Variants in INO80E observed in about 807,000 individuals in gnomAD.
INO80E encodes the protein coiled-coil domain containing 95.
A neutral mutation model predicts 27.3 loss-of-function variants in INO80E; 20 were observed. The observed-to-expected ratio is 0.73, with a 90% CI of 0.51 to 1.06. INO80E has a LOEUF of 1.06. INO80E is among the 50% of genes least tolerant of loss of function. INO80E has a pLI of 0.00. For missense variants in INO80E, 357 were observed against 322.8 expected (o/e 1.11, Z -0.81); for synonymous variants, 167 against 145.9 (o/e 1.14, Z -1.04).
chr16:30,005,196 C>T (rs1427363877), intron 6 of INO80E, 25 bp from the exon 7 acceptor site: 2 of 1,443,778 alleles, frequency 1.4e-6, no homozygotes, highest in Admixed American at 3.1e-5. Context: ...GACTAGTCCC[C>T]CTGTGTTTCT....
Position 30,005,532 on chromosome 16 carries a change from T to G in INO80E, c.*90T>G. On this transcript the variant is annotated 3_prime_UTR_variant, in exon 7 of 7. Coordinates refer to ENST00000563197, the MANE Select transcript of INO80E (RefSeq NM_173618.3). ...GTCCAGCTTCCTCGGAGGTGTTTAT[T>G]GATGCCCAGCTGCCATGCTCCGGCC... 1 of 1,223,334 alleles carries G rather than the reference T, an allele frequency of 8.2e-7. No homozygotes were observed. 75.8% of individuals were successfully genotyped at this position (1,223,334 alleles called of 1,614,324 possible).
intron 6 of INO80E, chr16:30,002,635 G>A (rs2070392715): frequency 6.6e-6 from 1 of 152,330 alleles, no homozygotes; most frequent in South Asian, 2.1e-4. Flanking sequence ...GCTTTAGTCT[G>A]AGCACGAGTG....
chr16:30,001,829 G>A, intron 6 of INO80E: 1 of 398,128 alleles, frequency 2.5e-6, no homozygotes, highest in Admixed American at 4.1e-5. Flanking sequence ...TGTGATGCCA[G>A]GTAGCCCCAG....
chr16:30,001,295 G>T, intron 5 of INO80E, 119 bp from the exon 6 acceptor site: 2 of 1,493,256 alleles, frequency 1.3e-6, no homozygotes, highest in Non-Finnish European at 1.8e-6. Flanking sequence ...CGGGAGCCCC[G>T]GGAGCCGCAC....
At position 30,000,961 on chromosome 16, in the gene INO80E, C is replaced by G. The variant is rs1427151707; in HGVS notation, c.317C>G (p.Ser106Cys). 2.5e-6 allele frequency: 4 copies of G among 1,578,142 alleles called. No individual in the cohort carries two copies. Among genetic ancestry groups the G allele is most frequent in the Non-Finnish European group, 3.5e-6 (4 of 1,158,850 alleles). ...AGCCCTCCGCTGGGGGGCGCCCCCTCTCCCTCCAGCCTCTCCCTGCCTCCT... is the reference window on the plus strand; with the variant it reads ...AGCCCTCCGCTGGGGGGCGCCCCCTGTCCCTCCAGCCTCTCCCTGCCTCCT... ...KRSPPLGGAP[S>C]PSSLSLPPST... The change falls in exon 5 of 7, where the codon TCT (serine) becomes TGT (cysteine). Residue 106 changes from serine (S) to cysteine (C), a missense_variant. Physicochemically the swap from Ser to Cys is moderately radical, Grantham distance 112. Transcript: ENST00000563197.
In INO80E at chr16:30,001,430, A is replaced by C; in HGVS notation, c.413A>C (p.Tyr138Ser). The change falls in exon 6 of 7, where the codon TAC becomes TCC. Residue 138 changes from tyrosine (Y) to serine (S), a missense_variant. Physicochemically the swap from Tyr to Ser is moderately radical, Grantham distance 144. Coordinates refer to ENST00000563197, the MANE Select transcript of INO80E (RefSeq NM_173618.3). ...CGCCCGCAGCTGGCCTCCTCCCGCT[A>C]CCCCCCATTCCCTTCTGACTACCTG... ...PYLSSLASSR[Y>S]PPFPSDYLAL... 1 of 1,603,876 alleles carries C rather than the reference A, an allele frequency of 6.2e-7. No homozygotes were observed. Among genetic ancestry groups the C allele is most frequent in the South Asian group, 1.1e-5 (1 of 89,672 alleles).
chr16:30,001,749 G>T, intron 6 of INO80E: 1 of 515,626 alleles, frequency 1.9e-6, no homozygotes, highest in South Asian at 2.8e-5. Flanking sequence ...GTGTGCAGAT[G>T]CCAGGGATCC....
rs1401625515 is a variant in INO80E at position 29,996,269 on chromosome 16, G to A, written c.-42G>A. ...AGCGGCACGGCAGCCACTGCTTGGG[G>A]TAGCGGGAGGGCAGACTCTGGGCGC... is the stretch of plus-strand genomic sequence containing the variant. On this transcript the variant is annotated 5_prime_UTR_variant, in exon 1 of 7. Coordinates refer to ENST00000563197, the MANE Select transcript of INO80E (RefSeq NM_173618.3). 2 of 1,548,034 alleles carry A rather than the reference G, an allele frequency of 1.3e-6. No homozygotes were observed. Among genetic ancestry groups the A allele is most frequent in the Admixed American group, 1.9e-5 (1 of 51,774 alleles).
rs1210623085 is a variant in INO80E at position 30,003,678 on chromosome 16, A to G, written c.514-1543A>G. 3 of 152,186 alleles carry G rather than the reference A, an allele frequency of 2.0e-5. No homozygotes were observed. Among genetic ancestry groups the G allele is most frequent in the Non-Finnish European group, 4.4e-5 (3 of 68,034 alleles). The allele number at this position is 152,186 out of a possible 1,614,324, so 9.4% of individuals were successfully genotyped here. A position where few individuals can be genotyped will look rare whatever the true frequency, so the allele number is the denominator to read the frequency against. On this transcript the variant is annotated intron_variant, in intron 6 of 6. Transcript: ENST00000563197. The surrounding 1 kb of genome is among the most constrained non-coding windows in gnomAD (Gnocchi z 4.4). ...CGGCATTGTGCGGAGAATGTGAGTGAAGGGATGAAAATCGCTCGGCCCGTG... is the reference window on the plus strand; with the variant it reads ...CGGCATTGTGCGGAGAATGTGAGTGGAGGGATGAAAATCGCTCGGCCCGTG...
intron 3 of INO80E, among the ~76,000 whole-genome samples, chr16:29,997,449 G>A (rs186094514): frequency 4.0e-5 from 6 of 148,776 alleles, no homozygotes; most frequent in East Asian, 2.0e-4. Context: ...TTTTCCAACC[G>A]TTTAAAAGCT....
In INO80E at chr16:30,001,495, C is replaced by A. The variant is rs145127821; in HGVS notation, c.478C>A (p.Arg160=). 6.2e-7 allele frequency: 1 copy of A among 1,612,668 alleles called. No individual in the cohort carries two copies. Among genetic ancestry groups the A allele is most frequent in the Non-Finnish European group, 8.5e-7 (1 of 1,179,358 alleles). The change falls in exon 6 of 7, where the codon CGG becomes AGG. Residue 160 remains arginine, a synonymous_variant. Transcript: ENST00000563197. ...LPEPSPLRPK[R]EKRPRLPRKL... ...CGAGCCCAGTCCCCTGAGGCCCAAG[C>A]GGGAGAAACGGCCCCGCCTGCCCCG...
Position 30,001,516 on chromosome 16 carries a change from C to T in INO80E, c.499C>T (p.Pro167Ser). Residue 167 changes from proline to serine, a missense_variant, in exon 6 of 7, where the codon CCC (proline) becomes TCC (serine). Pro to Ser is a moderately conservative substitution (Grantham distance 74). Coordinates refer to ENST00000563197, the MANE Select transcript of INO80E (RefSeq NM_173618.3). ...RPKREKRPRL[P>S]RKLKMAVGPP... ...CAAGCGGGAGAAACGGCCCCGCCTG[C>T]CCCGGAAACTCAAGGTACCCTGACG... The T allele has an allele frequency of 1.2e-6, 2 of 1,612,658 alleles. No individual in the cohort carries two copies. Among genetic ancestry groups the T allele is most frequent in the Non-Finnish European group, 1.7e-6 (2 of 1,179,436 alleles).
rs1480354230 is a variant in INO80E, at chr16:30,003,067, T to G, written c.513+1537T>G. The G allele has an allele frequency of 4.5e-5, 6 of 132,440 alleles. No homozygotes were observed. Among genetic ancestry groups the G allele is most frequent in the Admixed American group, 7.7e-5 (1 of 13,034 alleles). 8.2% of individuals were successfully genotyped at this position (132,440 alleles called of 1,614,324 possible). A position where few individuals can be genotyped will look rare whatever the true frequency, so the allele number is the denominator to read the frequency against. Reference sequence around the variant, plus strand: ...GGGGGGTGGCGGGCAGGGTAGGGGGTGGCGCAGCACTGGGGGGCACTTTGA... The same window carrying G: ...GGGGGGTGGCGGGCAGGGTAGGGGGGGGCGCAGCACTGGGGGGCACTTTGA... On this transcript the variant is annotated intron_variant, in intron 6 of 6. Transcript: ENST00000563197. The surrounding 1 kb of genome is among the most constrained non-coding windows in gnomAD (Gnocchi z 4.4).
chr16:30,005,649 GACA>G lies in INO80E; in HGVS notation c.*208_*210del. ...CTTCAAACCCCGGCCCCCTCCAGGG[GACA>G]GTTATTTAAACGAGTGGCCGGGAGC... On this transcript the variant is annotated 3_prime_UTR_variant, in exon 7 of 7. Coordinates refer to ENST00000563197, the MANE Select transcript of INO80E (RefSeq NM_173618.3). The G allele has an allele frequency of 1.7e-6, 1 of 590,182 alleles. No individual in the cohort carries two copies. The highest frequency in any genetic ancestry group is 3.1e-5 in the East Asian group (1 of 32,380). 36.6% of individuals were successfully genotyped at this position (590,182 alleles called of 1,614,324 possible). A position where few individuals can be genotyped will look rare whatever the true frequency, so the allele number is the denominator to read the frequency against.
At chr16:30,001,903 T>C (rs2070370433) in intron 6 of INO80E, 2 of 210,922 alleles carry the variant, frequency 9.5e-6, no homozygotes, top group Admixed American at 1.1e-4. Flanking sequence ...CACGTGGCCT[T>C]GAGCAGGTCT....
In INO80E at chr16:30,003,649, G is replaced by A. The variant is rs946853287; in HGVS notation, c.514-1572G>A. On this transcript the variant is annotated intron_variant, in intron 6 of 6. Coordinates refer to ENST00000563197, the MANE Select transcript of INO80E (RefSeq NM_173618.3). This position sits in a 1 kb window ranked among gnomAD's most constrained non-coding sequence, Gnocchi z 4.4. ...AGCCACAGCTCTCTTTCTCCATTCA[G>A]TGGCGGCATTGTGCGGAGAATGTGA... 5 of 152,224 alleles carry A rather than the reference G, an allele frequency of 3.3e-5. No homozygotes were observed. The highest frequency in any genetic ancestry group is 5.9e-5 in the Non-Finnish European group (4 of 68,042). 9.4% of individuals were successfully genotyped at this position (152,224 alleles called of 1,614,324 possible). A position where few individuals can be genotyped will look rare whatever the true frequency, so the allele number is the denominator to read the frequency against.
intron 3 of INO80E, among the ~76,000 whole-genome samples, chr16:29,997,432 T>G (rs566699905): frequency 6.6e-6 from 1 of 151,102 alleles, no homozygotes; most frequent in Non-Finnish European, 1.5e-5. Context: ...TTTCTTTAGT[T>G]TTTTTTTTTT....
chr16:29,996,281 CAG>C lies in INO80E; in HGVS notation c.-28_-27del. Reference sequence around the variant, plus strand: ...GCCACTGCTTGGGGTAGCGGGAGGGCAGACTCTGGGCGCCACTCCCGGGCCGG... The same window carrying C: ...GCCACTGCTTGGGGTAGCGGGAGGGCACTCTGGGCGCCACTCCCGGGCCGG... On this transcript the variant is annotated 5_prime_UTR_variant, in exon 1 of 7. Transcript: ENST00000563197. 1 of 1,560,946 alleles carries C rather than the reference CAG, an allele frequency of 6.4e-7. No homozygotes were observed. The highest frequency in any genetic ancestry group is 8.7e-7 in the Non-Finnish European group (1 of 1,151,766).
intron 6 of INO80E, 147 bp from the exon 7 acceptor site, chr16:30,005,074 G>A (rs1281018943): frequency 7.2e-6 from 6 of 833,014 alleles, no homozygotes; most frequent in Admixed American, 4.2e-5. Context: ...GCTGAGGGGG[G>A]CAGGCCCTGA....
Sources: allele counts gnomAD v4.1 joint callset (sites outside exome capture counted in the v4.1 genomes callset), GRCh38; gene constraint gnomAD v4.1.1; non-coding constraint Gnocchi (gnomAD v3.1); transcripts MANE v1.5; gene names NCBI Gene and HGNC (gene_info 2026-07-23, HGNC 2026-07-21).